TRIM29: variants seen among roughly 807,000 people sequenced by gnomAD.
The protein encoded by TRIM29 is tripartite motif-containing protein 29.
TRIM29 carries 52 observed loss-of-function variants against 57.3 expected under a neutral mutation model. The ratio of observed to expected loss-of-function variants is 0.91; its 90% CI spans 0.73 to 1.14. The LOEUF (loss-of-function observed/expected upper bound fraction) is 1.14, where lower values mean the gene tolerates loss of function less well. Ranked by LOEUF, TRIM29 falls within the 50% of genes most tolerant of loss-of-function variation. TRIM29 has a pLI of 0.00. For missense variants in TRIM29, 753 were observed against 774.6 expected, an observed-to-expected ratio of 0.97 and a Z score of 0.33; for synonymous variants, 319 against 316.9, an observed-to-expected ratio of 1.01 and a Z score of -0.07.
In TRIM29 at chr11:120,125,857, G is replaced by A. The variant is rs374850481; in HGVS notation, c.1167C>T (p.Leu389=). The A allele has an allele frequency of 3.3e-5, 54 of 1,613,918 alleles. No individual in the cohort carries two copies. The African/African-American group carries it at 6.4e-4, about 19-fold the overall frequency. Residue 389 remains leucine, a synonymous_variant, in exon 4 of 9, where the codon CTC becomes CTT. Transcript: ENST00000341846. ...EFGALMSNYS[L]PPPLPTYHVL... ...CATGATAGGTGGGCAGGGGTGGGGG[G>A]AGAGAGTAATTGCTCATCAATGCAC...
intron 1 of TRIM29, among the ~76,000 whole-genome samples, chr11:120,132,635 T>A (rs1208324762): frequency 6.6e-6 from 1 of 152,196 alleles, no homozygotes; most frequent in African/African-American, 2.4e-5. Flanking sequence ...CGGATAGGTG[T>A]ACCTGCACTG....
intron 5 of TRIM29, 63 bp from the exon 6 acceptor site, chr11:120,120,728 C>G: frequency 6.6e-7 from 1 of 1,511,872 alleles, no homozygotes; most frequent in Non-Finnish European, 9.1e-7. Flanking sequence ...TCCTTGCCCC[C>G]AAAAAGTTGC....
intron 4 of TRIM29, chr11:120,125,057 C>T (rs548425095): frequency 6.5e-6 from 1 of 152,724 alleles, no homozygotes; most frequent in South Asian, 2.1e-4. Context: ...GATGTTGTTT[C>T]TCAGGTTCAG....
chr11:120,114,615 C>G (rs936308447), intron 8 of TRIM29, among the ~76,000 whole-genome samples: 2 of 152,208 alleles, frequency 1.3e-5, no homozygotes, highest in Non-Finnish European at 2.9e-5. Flanking sequence ...CACATGGGGG[C>G]TCTGCATGTG....
chr11:120,134,040 C>T (rs1274594273), intron 1 of TRIM29, among the ~76,000 whole-genome samples: 1 of 152,052 alleles, frequency 6.6e-6, no homozygotes, highest in East Asian at 1.9e-4. Context: ...GGCCATAAGA[C>T]ACAGAAAGGG....
chr11:120,117,879 T>C (rs1306373995), intron 7 of TRIM29: 2 of 295,696 alleles, frequency 6.8e-6, no homozygotes, highest in Non-Finnish European at 6.4e-6. Flanking sequence ...GGGAGTTAAA[T>C]AAACTCTGCA....
Position 120,123,803 on chromosome 11 carries a change from C to T in TRIM29, c.1334-748G>A, listed in dbSNP as rs187421284. 4.6e-3 allele frequency: 1,443 copies of T among 311,196 alleles called. 9 individuals carry two copies. Among genetic ancestry groups the T allele is most frequent in the Non-Finnish European group, 6.7e-3 (1,067 of 159,930 alleles). 19.3% of individuals were successfully genotyped at this position (311,196 alleles called of 1,614,324 possible). A position where few individuals can be genotyped will look rare whatever the true frequency, so the allele number is the denominator to read the frequency against. ...CCTCATTCTTCATCTTCATCACCTGCGCCTATCAGTGTCCTGGTGCACAGC... is the reference window on the plus strand; with the variant it reads ...CCTCATTCTTCATCTTCATCACCTGTGCCTATCAGTGTCCTGGTGCACAGC... On this transcript the variant is annotated intron_variant, in intron 4 of 8. Coordinates refer to ENST00000341846, the MANE Select transcript of TRIM29 (RefSeq NM_012101.4).
chr11:120,120,058 G>A (rs1053571962), intron 6 of TRIM29, among the ~76,000 whole-genome samples: 28 of 152,020 alleles, frequency 1.8e-4, no homozygotes, highest in African/African-American at 5.1e-4. Context: ...ATTTCCTGCC[G>A]TGCCTTCCTT....
At chr11:120,118,471 C>A in intron 6 of TRIM29, 150 bp from the exon 7 acceptor site, 1 of 612,794 alleles carries the variant, frequency 1.6e-6, no homozygotes, top group Non-Finnish European at 2.9e-6. Context: ...GCCTCACCCC[C>A]ATCCTTCTGC....
At chr11:120,136,095 T>TA (rs1863808958) in intron 1 of TRIM29, among the ~76,000 whole-genome samples, 1 of 152,132 alleles carries the variant, frequency 6.6e-6, no homozygotes, top group African/African-American at 2.4e-5. Flanking sequence ...CAAACACACT[T>TA]ACGTATCACA....
chr11:120,128,936 T>C (rs1404640018), intron 1 of TRIM29: 9 of 1,374,422 alleles, frequency 6.5e-6, no homozygotes, highest in Non-Finnish European at 8.5e-6. Context: ...GTGTGCAGCG[T>C]TTCTATGGCA....
intron 4 of TRIM29, 96 bp downstream of exon 4, chr11:120,125,595 G>T: frequency 7.4e-7 from 1 of 1,352,114 alleles, no homozygotes. Flanking sequence ...ACAATGAGAA[G>T]AAGCTCACTG....
intron 6 of TRIM29, among the ~76,000 whole-genome samples, chr11:120,118,651 C>G (rs1293891231): frequency 1.3e-5 from 2 of 151,754 alleles, no homozygotes; most frequent in African/African-American, 4.8e-5. Flanking sequence ...TTGACTTCAC[C>G]TCTGCCCTCC....
chr11:120,113,472 T>C (rs913760350), intron 8 of TRIM29: 2 of 348,858 alleles, frequency 5.7e-6, no homozygotes, highest in African/African-American at 4.3e-5. Context: ...GGTCAGAGAC[T>C]GAGCCCACTC....
chr11:120,132,910 G>T (rs1165880142), intron 1 of TRIM29, among the ~76,000 whole-genome samples: 2 of 152,122 alleles, frequency 1.3e-5, no homozygotes, highest in Non-Finnish European at 2.9e-5. Flanking sequence ...CAGGGGAGGG[G>T]TGAGATGGGG....
Position 120,111,429 on chromosome 11 carries a change from G to A in TRIM29, c.*985C>T, listed in dbSNP as rs776503988. 2.0e-5 allele frequency: 3 copies of A among 152,276 alleles called. No individual in the cohort carries two copies. The highest frequency in any genetic ancestry group is 4.8e-5 in the African/African-American group (2 of 41,442). 9.4% of individuals were successfully genotyped at this position (152,276 alleles called of 1,614,324 possible). A position where few individuals can be genotyped will look rare whatever the true frequency, so the allele number is the denominator to read the frequency against. On this transcript the variant is annotated 3_prime_UTR_variant, in exon 9 of 9. Coordinates refer to ENST00000341846, the MANE Select transcript of TRIM29 (RefSeq NM_012101.4). ...AGATGTCCCCACTGTGCTGCTCCTG[G>A]TTTTGTCTCCTCTCCAATCCTTGAG...
chr11:120,126,180 A>G, intron 3 of TRIM29: 2 of 366,774 alleles, frequency 5.5e-6, no homozygotes, highest in Non-Finnish European at 9.9e-6. Flanking sequence ...AACTGCAAAG[A>G]CTGGGAGTGA....
chr11:120,121,958 G>A (rs1416013587), intron 5 of TRIM29: 1 of 449,316 alleles, frequency 2.2e-6, no homozygotes. Context: ...CCCCAGGCAG[G>A]GAGGAGGCAG....
At position 120,115,358 on chromosome 11, in the gene TRIM29, A is replaced by G; in HGVS notation, c.1684T>C (p.Ser562Pro). Residue 562 changes from serine to proline, a missense_variant, in exon 8 of 9, where the codon TCT becomes CCT. Ser to Pro is a moderately conservative substitution (Grantham distance 74). Coordinates refer to ENST00000341846, the MANE Select transcript of TRIM29 (RefSeq NM_012101.4). ...SPKAQPQTWK[S>P]GKQTMLSHYR... ...CTTACCAGCATAGTCTGCTTGCCAG[A>G]TTTCCAAGTCTGGGGCTGGGCCTTG... is the stretch of plus-strand genomic sequence containing the variant. 1 of 1,613,706 alleles carries G rather than the reference A, an allele frequency of 6.2e-7. No homozygotes were observed. Among genetic ancestry groups the G allele is most frequent in the South Asian group, 1.1e-5 (1 of 90,958 alleles).
Sources: gnomAD v4.1 joint callset for allele counts (sites outside exome capture counted in the v4.1 genomes callset) on GRCh38, gnomAD v4.1.1 for gene constraint, MANE v1.5 for transcripts, NCBI Gene and HGNC (gene_info 2026-07-23, HGNC 2026-07-21) for gene names.